The following VPS13B variants were observed in gnomAD, a reference collection of about 807,000 sequenced individuals.
VPS13B encodes intermembrane lipid transfer protein VPS13B.
In VPS13B, 285 loss-of-function variants were observed where a neutral mutation model predicts 426.4. The ratio of observed to expected loss-of-function variants is 0.67; its 90% CI spans 0.61 to 0.74. The LOEUF (loss-of-function observed/expected upper bound fraction) is 0.74. Among genes scored for constraint, VPS13B ranks in the 30% least tolerant of loss-of-function variants. The pLI is 0.00. For synonymous variants in VPS13B, 1,676 were observed against 1,676.4 expected, an observed-to-expected ratio of 1.00 and a Z score of 0.01; for missense variants, 4,537 against 4,782.6, an observed-to-expected ratio of 0.95 and a Z score of 1.51.
At chr8:99,137,999 C>T (rs1200687027) in intron 12 of VPS13B, among the ~76,000 whole-genome samples, 2 of 152,134 alleles carry the variant, frequency 1.3e-5, no homozygotes, top group Non-Finnish European at 2.9e-5. Context: ...TTGCTCAAGC[C>T]AGAAGCCTGG....
intron 41 of VPS13B, among the ~76,000 whole-genome samples, chr8:99,778,231 C>CAAA (rs377457529): frequency 0.01 from 981 of 94,466 alleles, 11 homozygotes; most frequent in African/African-American, 0.037. Context: ...GACTCCATCT[C>CAAA]AAAAAAAAAA....
chr8:99,304,405 T>G (rs1308414113), intron 19 of VPS13B, among the ~76,000 whole-genome samples: 1 of 151,574 alleles, frequency 6.6e-6, no homozygotes, highest in Non-Finnish European at 1.5e-5. Flanking sequence ...GAAAATCATG[T>G]TTTGTTTTTT....
chr8:99,556,313 A>G, intron 30 of VPS13B, 137 bp from the exon 31 acceptor site: 1 of 890,762 alleles, frequency 1.1e-6, no homozygotes, highest in Non-Finnish European at 1.7e-6. Context: ...TTTTTCATAG[A>G]TGTGCCCCAG....
intron 30 of VPS13B, among the ~76,000 whole-genome samples, chr8:99,529,288 G>A (rs1258657678): frequency 6.6e-6 from 1 of 151,998 alleles, no homozygotes; most frequent in Non-Finnish European, 1.5e-5. Flanking sequence ...CTTAAGTAAT[G>A]GAATTGTACT....
chr8:99,710,835 C>G (rs1342026835), intron 36 of VPS13B, among the ~76,000 whole-genome samples: 1 of 86,396 alleles, frequency 1.2e-5, no homozygotes. Context: ...ACTAAAAATG[C>G]AAAAAAAAAA....
At chr8:99,763,135 CAAAAAA>C (rs750289763) in intron 39 of VPS13B, among the ~76,000 whole-genome samples, 75 of 35,826 alleles carry the variant, frequency 2.1e-3, no homozygotes, top group South Asian at 5.1e-3. Flanking sequence ...GACCTTGTCT[CAAAAAA>C]AAAAAAAAAA....
chr8:99,122,189 T>G (rs1348164424), intron 8 of VPS13B, among the ~76,000 whole-genome samples: 5 of 151,748 alleles, frequency 3.3e-5, no homozygotes, highest in Non-Finnish European at 5.9e-5. Context: ...AAGGATTGTT[T>G]ACATATAATT....
chr8:99,065,321 A>G lies in VPS13B; in HGVS notation c.291+26755A>G, dbSNP rs147493342. Among the ~76,000 whole-genome samples the G allele has an allele frequency of 8.6e-3, 1,305 of 152,326 alleles. 21 individuals carry two copies. The highest frequency in any genetic ancestry group is 0.03 in the African/African-American group (1,228 of 41,560). On this transcript the variant is annotated intron_variant, in intron 3 of 61. Coordinates refer to ENST00000357162, the MANE Select transcript of VPS13B (RefSeq NM_152564.5). Reference sequence around the variant, plus strand: ...TCAAAAAGCTTATCCACCACGATCAAGTCGGCTTCATCCCTGGCATGCAAG... The same window carrying G: ...TCAAAAAGCTTATCCACCACGATCAGGTCGGCTTCATCCCTGGCATGCAAG...
At chr8:99,182,455 T>A (rs1164043964) in intron 16 of VPS13B, among the ~76,000 whole-genome samples, 1 of 152,096 alleles carries the variant, frequency 6.6e-6, no homozygotes, top group Non-Finnish European at 1.5e-5. Flanking sequence ...AATTCTACAG[T>A]TTTTAGAATA....
intron 5 of VPS13B, among the ~76,000 whole-genome samples, chr8:99,106,456 C>T (rs1588043496): frequency 6.9e-6 from 1 of 144,296 alleles, no homozygotes; most frequent in Non-Finnish European, 1.5e-5. Context: ...AAAAAAAAAC[C>T]CAAAACAAAC....
At chr8:99,587,846 C>T (rs746814912) in intron 33 of VPS13B, among the ~76,000 whole-genome samples, 6 of 151,646 alleles carry the variant, frequency 4.0e-5, no homozygotes, top group Non-Finnish European at 7.4e-5. Context: ...TTTGTCTATT[C>T]TGGCTTTTGT....
chr8:99,517,405 G>A (rs954105003), intron 29 of VPS13B, among the ~76,000 whole-genome samples: 6 of 151,888 alleles, frequency 4.0e-5, no homozygotes, highest in South Asian at 2.1e-4. Context: ...GTACACACAC[G>A]TATACACACT....
Position 99,848,912 on chromosome 8 carries a change from C to T in VPS13B, c.10061+18C>T. 1.9e-6 allele frequency: 3 copies of T among 1,603,610 alleles called. No individual in the cohort carries two copies. The highest frequency in any genetic ancestry group is 2.6e-6 in the Non-Finnish European group (3 of 1,170,342). The stretch of plus-strand genomic sequence containing the variant: ...ACCAACAGGTAGGTTTAATTATTTT[C>T]CCAGTGACAACATAGTAAGTGTTAC... On this transcript the variant is annotated intron_variant, in intron 55 of 61. Coordinates refer to ENST00000357162, the MANE Select transcript of VPS13B (RefSeq NM_152564.5).
At chr8:99,802,991 A>T (rs1189970293) in intron 43 of VPS13B, among the ~76,000 whole-genome samples, 1 of 152,224 alleles carries the variant, frequency 6.6e-6, no homozygotes, top group African/African-American at 2.4e-5. Context: ...TGCTTGACAC[A>T]TAATGTCTAA....
At chr8:99,313,588 G>T (rs1221590498) in intron 19 of VPS13B, among the ~76,000 whole-genome samples, 5 of 152,142 alleles carry the variant, frequency 3.3e-5, no homozygotes, top group Non-Finnish European at 7.3e-5. Context: ...ACTGGAGGGT[G>T]CCTCCCAGTT....
rs745701200 is a variant in VPS13B, at chr8:99,147,829, TTTTAA to T, written c.1844-8_1844-4del. ...AATATTCTTTATTAATTTTTTATCA[TTTTAA>T]TTTTAGATATTAAGGATGAAAATGA... On this transcript the variant is annotated splice_polypyrimidine_tract_variant and splice_region_variant and intron_variant, in intron 13 of 61. Transcript: ENST00000357162. 13 of 1,439,942 alleles carry T rather than the reference TTTTAA, an allele frequency of 9.0e-6. No individual in the cohort carries two copies. Among genetic ancestry groups the T allele is most frequent in the Middle Eastern group, 3.7e-4 (2 of 5,396 alleles). The allele number at this position is 1,439,942 out of a possible 1,614,324, so 89.2% of individuals were successfully genotyped here.
intron 19 of VPS13B, among the ~76,000 whole-genome samples, chr8:99,288,460 C>T (rs1343835152): frequency 6.6e-6 from 1 of 151,892 alleles, no homozygotes; most frequent in Admixed American, 6.6e-5. Context: ...TTCTTGCACA[C>T]TTAATTCTTA....
intron 36 of VPS13B, among the ~76,000 whole-genome samples, chr8:99,716,640 T>C (rs770522106): frequency 1.3e-5 from 2 of 152,218 alleles, no homozygotes; most frequent in Non-Finnish European, 2.9e-5. Flanking sequence ...TTTAAGACTT[T>C]GTAAACTTCA....
At chr8:99,225,252 G>C (rs1028902702) in intron 17 of VPS13B, among the ~76,000 whole-genome samples, 1 of 152,022 alleles carries the variant, frequency 6.6e-6, no homozygotes, top group Non-Finnish European at 1.5e-5. Context: ...ACTATATTCA[G>C]AAGGAAATTT....
Sources: allele counts gnomAD v4.1 joint callset (sites outside exome capture counted in the v4.1 genomes callset), GRCh38; gene constraint gnomAD v4.1.1; transcripts MANE v1.5; gene names NCBI Gene and HGNC (gene_info 2026-07-23, HGNC 2026-07-21).